ANKS1B: variants seen among roughly 807,000 people sequenced by gnomAD.
The protein encoded by ANKS1B is ankyrin repeat and sterile alpha motif domain-containing protein 1B.
Under a neutral mutation model 148.3 loss-of-function variants are expected in ANKS1B, and 36 were observed. That is an observed-to-expected ratio of 0.24 (90% CI 0.19 to 0.32). The LOEUF (loss-of-function observed/expected upper bound fraction) is 0.32, where lower values mean the gene tolerates loss of function less well. Among genes scored for constraint, ANKS1B ranks in the 10% least tolerant of loss-of-function variants. The pLI is 1.00. For missense variants in ANKS1B, 1,157 were observed against 1,542.6 expected (o/e 0.75, Z 4.19); for synonymous variants, 542 against 560.8 (o/e 0.97, Z 0.47).
At chr12:99,809,667 T>C (rs909018554) in intron 3 of ANKS1B, among the ~76,000 whole-genome samples, 1 of 152,076 alleles carries the variant, frequency 6.6e-6, no homozygotes, top group African/African-American at 2.4e-5. Flanking sequence ...AACCTTATAA[T>C]ATAGTTTATA....
chr12:99,518,413 T>C (rs1395657139), intron 9 of ANKS1B, among the ~76,000 whole-genome samples: 1 of 152,172 alleles, frequency 6.6e-6, no homozygotes, highest in Non-Finnish European at 1.5e-5. Context: ...TGTTCAGGTT[T>C]TGAATTTCTT....
rs183807395 is a variant in ANKS1B at position 99,950,733 on chromosome 12, C to A, written c.134+33371G>T. On this transcript the variant is annotated intron_variant, in intron 1 of 26. Transcript: ENST00000683438. ...TTTATTTGTTCCCCTCAAAACCACC[C>A]CCCCCAATAACCCTCCATCCTTTTT... is the stretch of plus-strand genomic sequence containing the variant. Among the ~76,000 whole-genome samples, 527 of 152,146 alleles carry A rather than the reference C, an allele frequency of 3.5e-3. 2 individuals carry two copies. Among genetic ancestry groups the A allele is most frequent in the Non-Finnish European group, 6.2e-3 (423 of 67,992 alleles).
At chr12:99,729,424 G>C (rs1192736650) in intron 8 of ANKS1B, among the ~76,000 whole-genome samples, 1 of 152,030 alleles carries the variant, frequency 6.6e-6, no homozygotes, top group African/African-American at 2.4e-5. Flanking sequence ...AAATTTTATA[G>C]TTGAGGTTCT....
At chr12:99,222,720 G>A (rs2085315942) in intron 14 of ANKS1B, among the ~76,000 whole-genome samples, 1 of 152,094 alleles carries the variant, frequency 6.6e-6, no homozygotes, top group Admixed American at 6.6e-5. Context: ...CATTTTTATT[G>A]AGATATGAAT....
intron 1 of ANKS1B, among the ~76,000 whole-genome samples, chr12:99,906,428 T>C (rs1033051595): frequency 6.6e-6 from 1 of 152,228 alleles, no homozygotes; most frequent in Non-Finnish European, 1.5e-5. Context: ...GCTTATGATA[T>C]TTTTCAGAGG....
chr12:99,140,191 A>G (rs552087962), intron 15 of ANKS1B, among the ~76,000 whole-genome samples: 41 of 152,204 alleles, frequency 2.7e-4, no homozygotes, highest in African/African-American at 8.7e-4. Flanking sequence ...TGGAAGTCCC[A>G]CAGTACTCTG....
chr12:99,564,128 T>C (rs769283599), intron 9 of ANKS1B, among the ~76,000 whole-genome samples: 3 of 152,300 alleles, frequency 2.0e-5, no homozygotes, highest in Middle Eastern at 3.4e-3. Flanking sequence ...AACTTCTATG[T>C]ACATTGAATG....
chr12:98,987,944 A>G (rs2099924401), intron 17 of ANKS1B, among the ~76,000 whole-genome samples: 1 of 152,148 alleles, frequency 6.6e-6, no homozygotes, highest in Admixed American at 6.5e-5. Context: ...AGAACCAGCA[A>G]ATGATTTTTT....
intron 10 of ANKS1B, among the ~76,000 whole-genome samples, chr12:99,444,728 A>G (rs1369551661): frequency 6.6e-6 from 1 of 151,982 alleles, no homozygotes; most frequent in Non-Finnish European, 1.5e-5. Context: ...TAAAAAATAA[A>G]AAGTTTACTT....
At chr12:99,328,804 T>C (rs2086963776) in intron 12 of ANKS1B, among the ~76,000 whole-genome samples, 1 of 151,948 alleles carries the variant, frequency 6.6e-6, no homozygotes, top group Non-Finnish European at 1.5e-5. Flanking sequence ...TGACAGATGT[T>C]AGAATTGGCA....
chr12:98,761,162 G>A (rs188332582), intron 25 of ANKS1B, among the ~76,000 whole-genome samples: 3 of 152,344 alleles, frequency 2.0e-5, no homozygotes, highest in Admixed American at 2.0e-4. Context: ...AGATTAGCCA[G>A]TGTTTCATGC....
In ANKS1B at chr12:99,782,123, G is replaced by A. The variant is rs778418860; in HGVS notation, c.670-26C>T. The A allele has an allele frequency of 2.6e-6, 4 of 1,551,614 alleles. No individual in the cohort carries two copies. The South Asian group carries it at 4.8e-5, about 19-fold the overall frequency. On this transcript the variant is annotated intron_variant, in intron 4 of 26. Transcript: ENST00000683438. Reference sequence around the variant, plus strand: ...CTGGAAAAAAAAAAGTAAGAAAAAAGAAAGCACGGTTGCATTTGGAATGCT... The same window carrying A: ...CTGGAAAAAAAAAAGTAAGAAAAAAAAAAGCACGGTTGCATTTGGAATGCT...
At chr12:98,947,551 T>C (rs1000664458) in intron 17 of ANKS1B, among the ~76,000 whole-genome samples, 32 of 152,010 alleles carry the variant, frequency 2.1e-4, no homozygotes, top group African/African-American at 7.3e-4. Context: ...AACTCATGAA[T>C]GTTACATACC....
intron 10 of ANKS1B, among the ~76,000 whole-genome samples, chr12:99,476,466 T>C (rs900340868): frequency 1.4e-4 from 21 of 152,286 alleles, no homozygotes; most frequent in African/African-American, 4.8e-4. Flanking sequence ...TGAGAAAGAA[T>C]AGTTGTACTA....
chr12:98,832,807 C>T (rs1236323448), intron 17 of ANKS1B, among the ~76,000 whole-genome samples: 1 of 152,122 alleles, frequency 6.6e-6, no homozygotes, highest in Non-Finnish European at 1.5e-5. Context: ...TCTTTACAAG[C>T]TTAGTGTTTG....
intron 4 of ANKS1B, among the ~76,000 whole-genome samples, chr12:99,795,266 ACT>A (rs2066111087): frequency 6.6e-6 from 1 of 151,740 alleles, no homozygotes; most frequent in African/African-American, 2.4e-5. Context: ...ACTTTAAGAC[ACT>A]CTGAGGGAAA....
chr12:99,936,788 C>T (rs1439561401), intron 1 of ANKS1B, among the ~76,000 whole-genome samples: 2 of 152,144 alleles, frequency 1.3e-5, no homozygotes, highest in Non-Finnish European at 2.9e-5. Flanking sequence ...TGTGACCTTG[C>T]ATAAATTCAC....
At chr12:99,262,246 AT>A (rs893873119) in intron 12 of ANKS1B, among the ~76,000 whole-genome samples, 14 of 152,066 alleles carry the variant, frequency 9.2e-5, no homozygotes, top group Non-Finnish European at 1.8e-4. Flanking sequence ...ATATAAAAAA[AT>A]ATATATTTTA....
At chr12:99,895,620 C>T (rs1017451899) in intron 1 of ANKS1B, among the ~76,000 whole-genome samples, 9 of 150,904 alleles carry the variant, frequency 6.0e-5, no homozygotes, top group Admixed American at 2.0e-4. Flanking sequence ...TACCCCAGAA[C>T]TGAAGAACAT....
Sources: gnomAD v4.1 joint callset for allele counts (sites outside exome capture counted in the v4.1 genomes callset) on GRCh38, gnomAD v4.1.1 for gene constraint, MANE v1.5 for transcripts, NCBI Gene and HGNC (gene_info 2026-07-23, HGNC 2026-07-21) for gene names.